ST3GAL2: variants seen among roughly 807,000 people sequenced by gnomAD.
ST3GAL2 encodes the protein ST3 beta-galactoside alpha-2,3-sialyltransferase 2, also known as CMP-N-acetylneuraminate-beta-galactosamide-alpha-2,3-sialyltransferase 2.
In ST3GAL2, 16 loss-of-function variants were observed where a neutral mutation model predicts 37.5. The observed-to-expected ratio is 0.43, with a 90% confidence interval of 0.29 to 0.65. The LOEUF (loss-of-function observed/expected upper bound fraction) is 0.65. ST3GAL2 is among the 30% of genes least tolerant of loss of function. The probability of loss-of-function intolerance (pLI) is 0.17; values close to 1 mark genes in which losing one functional copy is unlikely to be tolerated. For synonymous variants in ST3GAL2, 238 were observed against 202.9 expected (o/e 1.17, Z -1.47); for missense variants, 383 against 487.8 (o/e 0.79, Z 2.02).
At chr16:70,396,476 G>A (rs572095929) in intron 2 of ST3GAL2, among the ~76,000 whole-genome samples, 3 of 152,086 alleles carry the variant, frequency 2.0e-5, no homozygotes, top group Admixed American at 2.0e-4. Flanking sequence ...GTGGTGGCAC[G>A]TGCCTGTAGT....
chr16:70,423,347 A>G (rs546473880), intron 1 of ST3GAL2, among the ~76,000 whole-genome samples: 74 of 152,308 alleles, frequency 4.9e-4, no homozygotes, highest in Non-Finnish European at 7.8e-4. Context: ...CGTCTCTACT[A>G]AAAATACAAA....
intron 1 of ST3GAL2, among the ~76,000 whole-genome samples, chr16:70,417,009 T>G (rs1056536647): frequency 1.3e-5 from 2 of 152,216 alleles, no homozygotes; most frequent in African/African-American, 4.8e-5. Context: ...CATCTCCAGA[T>G]GAACAAAGTG....
intron 1 of ST3GAL2, among the ~76,000 whole-genome samples, chr16:70,434,352 G>A (rs980757815): frequency 5.3e-5 from 8 of 151,936 alleles, no homozygotes; most frequent in South Asian, 2.1e-4. Flanking sequence ...CATGAGAGTC[G>A]CTTGAACCCA....
At chr16:70,426,785 T>C (rs1313309976) in intron 1 of ST3GAL2, among the ~76,000 whole-genome samples, 2 of 152,148 alleles carry the variant, frequency 1.3e-5, no homozygotes, top group Non-Finnish European at 2.9e-5. Flanking sequence ...GTTGGAATTA[T>C]AGGCGTGAGC....
chr16:70,415,383 G>A (rs544308811), intron 1 of ST3GAL2, among the ~76,000 whole-genome samples: 70 of 152,170 alleles, frequency 4.6e-4, no homozygotes, highest in African/African-American at 1.5e-3. Context: ...CCCTCCGGGC[G>A]GCACGGGGAA....
intron 1 of ST3GAL2, among the ~76,000 whole-genome samples, chr16:70,405,540 TAAAAAA>T (rs58998342): frequency 3.9e-5 from 4 of 101,484 alleles, no homozygotes; most frequent in Non-Finnish European, 5.8e-5. Context: ...GACTCCGTCT[TAAAAAA>T]AAAAAAAAAA....
At chr16:70,382,552 G>A (rs1298474125) in intron 6 of ST3GAL2, among the ~76,000 whole-genome samples, 1 of 152,146 alleles carries the variant, frequency 6.6e-6, no homozygotes, top group African/African-American at 2.4e-5. Context: ...CCAAAGTGCT[G>A]GGATTACAGG....
chr16:70,425,554 G>C (rs1373581343), intron 1 of ST3GAL2, among the ~76,000 whole-genome samples: 3 of 152,076 alleles, frequency 2.0e-5, no homozygotes, highest in Non-Finnish European at 4.4e-5. Context: ...ACTGCCATTT[G>C]TTAATTTACC....
At chr16:70,402,361 C>T (rs1423378018) in intron 1 of ST3GAL2, among the ~76,000 whole-genome samples, 3 of 150,972 alleles carry the variant, frequency 2.0e-5, no homozygotes, top group South Asian at 2.1e-4. Context: ...GAATGAACTC[C>T]GGTTTCAGAC....
rs375363834 is a variant in ST3GAL2, at chr16:70,398,213, C to T, written c.318G>A (p.Pro106=). ...TTACCATCCACCACCTCTGGACGTC[C>T]GGTGGAAGATCCATGTTCTCTCGGG... ...VWTRENMDLP[P]DVQRWWMMLQ... The change falls in exon 2 of 7, where the codon CCG becomes CCA. Residue 106 remains proline (P), a synonymous_variant. Transcript: ENST00000342907. The T allele has an allele frequency of 6.8e-6, 11 of 1,613,008 alleles. No individual in the cohort carries two copies. The highest frequency in any genetic ancestry group is 6.6e-5 in the South Asian group (6 of 91,080).
rs552872084 is a variant in ST3GAL2 at position 70,431,921 on chromosome 16, G to A, written c.-1004+7028C>T. On this transcript the variant is annotated intron_variant, in intron 1 of 6. Coordinates refer to ENST00000342907, the MANE Select transcript of ST3GAL2 (RefSeq NM_006927.4). ...AGAGCTTGCAGTGAGCCGAGATGGC[G>A]CCACTGCACTCCAGCCTGGGCAACA... is the stretch of plus-strand genomic sequence containing the variant. Among the ~76,000 whole-genome samples the A allele has an allele frequency of 7.2e-5, 11 of 151,750 alleles. No homozygotes were observed. In the East Asian group the frequency reaches 1.9e-3, roughly 27 times the overall value.
At chr16:70,385,621 G>C (rs893512503) in intron 4 of ST3GAL2, among the ~76,000 whole-genome samples, 1 of 151,780 alleles carries the variant, frequency 6.6e-6, no homozygotes, top group African/African-American at 2.4e-5. Flanking sequence ...TGGGAGGAGT[G>C]GGGGTGATGG....
intron 4 of ST3GAL2, among the ~76,000 whole-genome samples, chr16:70,388,149 T>C (rs970642044): frequency 1.3e-5 from 2 of 151,356 alleles, no homozygotes; most frequent in African/African-American, 4.9e-5. Flanking sequence ...AACAGATCCT[T>C]CCTCATCTTT....
intron 1 of ST3GAL2, among the ~76,000 whole-genome samples, chr16:70,428,490 A>G (rs951254306): frequency 5.9e-5 from 9 of 152,150 alleles, no homozygotes; most frequent in South Asian, 2.1e-4. Context: ...TGTAAGCACA[A>G]TTCTTTGTGA....
chr16:70,390,512 A>T (rs1020091839), intron 3 of ST3GAL2, among the ~76,000 whole-genome samples: 1 of 152,202 alleles, frequency 6.6e-6, no homozygotes, highest in African/African-American at 2.4e-5. Flanking sequence ...CCTGGGCCGG[A>T]TGGAAGCCTC....
chr16:70,409,138 T>C (rs2047617828), intron 1 of ST3GAL2, among the ~76,000 whole-genome samples: 1 of 152,002 alleles, frequency 6.6e-6, no homozygotes, highest in South Asian at 2.1e-4. Flanking sequence ...TGAAGTAACG[T>C]CTAGAAAAAC....
intron 1 of ST3GAL2, among the ~76,000 whole-genome samples, chr16:70,438,544 G>C (rs983450265): frequency 6.6e-6 from 1 of 152,142 alleles, no homozygotes; most frequent in African/African-American, 2.4e-5. Flanking sequence ...GCCAAGAGTG[G>C]GGCCGGGGTC....
At chr16:70,407,035 C>T (rs566947862) in intron 1 of ST3GAL2, among the ~76,000 whole-genome samples, 3 of 152,082 alleles carry the variant, frequency 2.0e-5, no homozygotes, top group South Asian at 4.2e-4. Context: ...GAGGAGTGTC[C>T]CTTTATTGTT....
chr16:70,399,862 A>AAGTCAGGTG (rs1232872987), intron 1 of ST3GAL2: 1 of 156,226 alleles, frequency 6.4e-6, no homozygotes, highest in Non-Finnish European at 1.4e-5. Context: ...AAGTCAGAGA[A>AAGTCAGGTG]AACAGCCCAG....
Sources: allele counts gnomAD v4.1 joint callset (sites outside exome capture counted in the v4.1 genomes callset), GRCh38; gene constraint gnomAD v4.1.1; transcripts MANE v1.5; gene names NCBI Gene and HGNC (gene_info 2026-07-23, HGNC 2026-07-21).